Variants in MEIKIN observed in about 807,000 individuals in gnomAD.
The protein encoded by MEIKIN is meiotic kinetochore factor.
At chr5:131,840,640 C>T (rs1047366849) in intron 11 of MEIKIN, among the ~76,000 whole-genome samples, 4 of 152,146 alleles carry the variant, frequency 2.6e-5, no homozygotes, top group African/African-American at 9.7e-5. Context: ...GTCTATTCTG[C>T]TATTAACACT....
intron 8 of MEIKIN, among the ~76,000 whole-genome samples, chr5:131,881,397 T>G (rs536328094): frequency 6.6e-6 from 1 of 151,318 alleles, no homozygotes; most frequent in African/African-American, 2.4e-5. Flanking sequence ...GGTCTCAGGG[T>G]TTTTTTGCCG....
chr5:131,921,144 T>C (rs1194356386), intron 6 of MEIKIN, among the ~76,000 whole-genome samples: 1 of 152,064 alleles, frequency 6.6e-6, no homozygotes, highest in Non-Finnish European at 1.5e-5. Context: ...AAATGCAACA[T>C]GGGATCCAGG....
intron 11 of MEIKIN, among the ~76,000 whole-genome samples, chr5:131,842,411 T>C (rs892043341): frequency 6.6e-6 from 1 of 152,218 alleles, no homozygotes; most frequent in East Asian, 1.9e-4. Context: ...CAGCTTTTTA[T>C]CATTGAGTAT....
intron 11 of MEIKIN, among the ~76,000 whole-genome samples, chr5:131,843,705 C>T (rs1016473687): frequency 8.5e-5 from 13 of 152,216 alleles, no homozygotes; most frequent in African/African-American, 3.1e-4. Context: ...GTCCATATCA[C>T]TATCAGCATT....
At chr5:131,940,355 A>T (rs1013435362) in intron 4 of MEIKIN, among the ~76,000 whole-genome samples, 1 of 152,234 alleles carries the variant, frequency 6.6e-6, no homozygotes, top group Non-Finnish European at 1.5e-5. Context: ...TTTTAGTTGA[A>T]TTAATTCCAA....
chr5:131,885,141 T>C (rs922760747), intron 8 of MEIKIN, among the ~76,000 whole-genome samples: 1 of 152,152 alleles, frequency 6.6e-6, no homozygotes, highest in Non-Finnish European at 1.5e-5. Context: ...CTTAGTTGGC[T>C]TCATCACCTG....
intron 8 of MEIKIN, among the ~76,000 whole-genome samples, chr5:131,891,182 A>G (rs546920709): frequency 4.9e-4 from 74 of 152,188 alleles, no homozygotes; most frequent in African/African-American, 1.7e-3. Context: ...GCTGAAAAGA[A>G]TGTATATTCT....
chr5:131,864,394 G>A (rs570014322), intron 9 of MEIKIN, among the ~76,000 whole-genome samples: 9 of 152,260 alleles, frequency 5.9e-5, no homozygotes, highest in African/African-American at 2.2e-4. Flanking sequence ...ACCACCAGTT[G>A]TAGGACTCCC....
chr5:131,845,321 G>A (rs1749998890), intron 11 of MEIKIN, among the ~76,000 whole-genome samples: 2 of 141,576 alleles, frequency 1.4e-5, no homozygotes, highest in African/African-American at 5.8e-5. Context: ...TCTAAGAAGG[G>A]TGGAGAGACT....
chr5:131,934,960 G>A (rs1192431446), intron 4 of MEIKIN, among the ~76,000 whole-genome samples: 1 of 151,928 alleles, frequency 6.6e-6, no homozygotes, highest in Non-Finnish European at 1.5e-5. Flanking sequence ...GGAACCTGAG[G>A]CAGGGGAATC....
At chr5:131,828,446 G>A (rs572240152) in intron 11 of MEIKIN, among the ~76,000 whole-genome samples, 1 of 152,100 alleles carries the variant, frequency 6.6e-6, no homozygotes, top group Admixed American at 6.5e-5. Context: ...TTACAGGCGT[G>A]AGCCACTGTG....
chr5:131,833,575 A>C (rs545800621), intron 11 of MEIKIN, among the ~76,000 whole-genome samples: 1 of 152,310 alleles, frequency 6.6e-6, no homozygotes, highest in South Asian at 2.1e-4. Flanking sequence ...CAGAATCATA[A>C]CAGGAGGCGA....
intron 9 of MEIKIN, among the ~76,000 whole-genome samples, chr5:131,872,667 G>A (rs1451371777): frequency 1.3e-5 from 2 of 152,098 alleles, no homozygotes; most frequent in East Asian, 1.9e-4. Context: ...GATACTCCTC[G>A]AGAAGAGCAA....
At chr5:131,905,814 G>A (rs1282757160) in intron 8 of MEIKIN, among the ~76,000 whole-genome samples, 4 of 152,074 alleles carry the variant, frequency 2.6e-5, no homozygotes, top group Non-Finnish European at 5.9e-5. Context: ...GGGATAACTG[G>A]CCAGCCATAT....
intron 9 of MEIKIN, among the ~76,000 whole-genome samples, chr5:131,864,972 G>C (rs1268924385): frequency 1.3e-5 from 2 of 152,122 alleles, no homozygotes; most frequent in Non-Finnish European, 1.5e-5. Context: ...CAAGTTCTGA[G>C]ATTCTTTCCT....
chr5:131,938,711 C>T (rs1212817992), intron 4 of MEIKIN, among the ~76,000 whole-genome samples: 2 of 152,178 alleles, frequency 1.3e-5, no homozygotes, highest in Admixed American at 6.5e-5. Context: ...ATGGACATAA[C>T]ATTTTTCCAT....
intron 11 of MEIKIN, among the ~76,000 whole-genome samples, chr5:131,829,482 G>T (rs778195008): frequency 6.6e-6 from 1 of 152,136 alleles, no homozygotes; most frequent in African/African-American, 2.4e-5. Context: ...GGGAGAACAG[G>T]TAAGAATGCT....
At chr5:131,870,258 C>T (rs575713078) in intron 9 of MEIKIN, among the ~76,000 whole-genome samples, 1 of 151,956 alleles carries the variant, frequency 6.6e-6, no homozygotes, top group East Asian at 1.9e-4. Flanking sequence ...GACACACACA[C>T]AAAAAAAGTC....
At chr5:131,866,772 T>C (rs565572731) in intron 9 of MEIKIN, among the ~76,000 whole-genome samples, 1 of 152,288 alleles carries the variant, frequency 6.6e-6, no homozygotes, top group East Asian at 1.9e-4. Flanking sequence ...CAGGTAATCA[T>C]GAGGAAGTGA....
Sources: allele counts gnomAD v4.1 joint callset (sites outside exome capture counted in the v4.1 genomes callset), GRCh38; gene constraint gnomAD v4.1.1; transcripts MANE v1.5; gene names NCBI Gene and HGNC (gene_info 2026-07-23, HGNC 2026-07-21).